GNAQ: variants seen among roughly 807,000 people sequenced by gnomAD.
GNAQ encodes G protein subunit alpha q, also known as guanine nucleotide-binding protein G(q) subunit alpha.
In GNAQ, 8 loss-of-function variants were observed where a neutral mutation model predicts 43.9. The ratio of observed to expected loss-of-function variants is 0.18; its 90% confidence interval spans 0.11 to 0.33. The LOEUF (loss-of-function observed/expected upper bound fraction) is 0.33, where lower values mean the gene tolerates loss of function less well. Among genes scored for constraint, GNAQ ranks in the 10% least tolerant of loss-of-function variants. GNAQ has a pLI of 1.00. For synonymous variants in GNAQ, 155 were observed against 170.7 expected, an observed-to-expected ratio of 0.91 and a Z score of 0.71; for missense variants, 158 against 450.8, an observed-to-expected ratio of 0.35 and a Z score of 5.88.
chr9:77,989,184 C>T lies in GNAQ; in HGVS notation c.136+41916G>A, dbSNP rs17196487. Among the ~76,000 whole-genome samples the T allele has an allele frequency of 2.9e-3, 439 of 152,208 alleles. 9 individuals are homozygous for T. In the East Asian group the frequency reaches 0.068, roughly 24 times the overall value. On this transcript the variant is annotated intron_variant, in intron 1 of 6. Coordinates refer to ENST00000286548, the MANE Select transcript of GNAQ (RefSeq NM_002072.5). Reference sequence around the variant, plus strand: ...AACCAAATGTTTTATTTGACAGACACGTTTTATGATCTTTTCAAAAACCCA... The same window carrying T: ...AACCAAATGTTTTATTTGACAGACATGTTTTATGATCTTTTCAAAAACCCA...
chr9:78,029,480 A>G (rs1382995685), intron 1 of GNAQ, among the ~76,000 whole-genome samples: 1 of 152,124 alleles, frequency 6.6e-6, no homozygotes, highest in Non-Finnish European at 1.5e-5. Flanking sequence ...AAAAAAAAAA[A>G]ATCTTTACTT....
chr9:77,817,513 T>C (rs1374049943), intron 2 of GNAQ, among the ~76,000 whole-genome samples: 1 of 152,122 alleles, frequency 6.6e-6, no homozygotes, highest in Non-Finnish European at 1.5e-5. Flanking sequence ...ATAACACTGG[T>C]CATAACCTTT....
intron 2 of GNAQ, among the ~76,000 whole-genome samples, chr9:77,822,180 A>C (rs1827128693): frequency 6.6e-6 from 1 of 152,152 alleles, no homozygotes; most frequent in African/African-American, 2.4e-5. Flanking sequence ...AACTTGTTTG[A>C]CCATGGAAGC....
At chr9:77,801,595 GAGAA>G (rs1382788558) in intron 3 of GNAQ, among the ~76,000 whole-genome samples, 2 of 152,174 alleles carry the variant, frequency 1.3e-5, no homozygotes, top group Non-Finnish European at 2.9e-5. Context: ...GAATAATAGA[GAGAA>G]AGGCTCACTT....
intron 1 of GNAQ, among the ~76,000 whole-genome samples, chr9:77,974,704 C>T (rs1823277094): frequency 6.6e-6 from 1 of 152,154 alleles, no homozygotes; most frequent in Non-Finnish European, 1.5e-5. Flanking sequence ...TCTGCATGCC[C>T]CAAGGCCAGC....
chr9:77,827,945 A>G (rs921412515), intron 2 of GNAQ, among the ~76,000 whole-genome samples: 2 of 151,338 alleles, frequency 1.3e-5, no homozygotes, highest in Non-Finnish European at 2.9e-5. Context: ...CTGTAGTCCC[A>G]GCTACTTGGG....
intron 5 of GNAQ, among the ~76,000 whole-genome samples, chr9:77,758,524 T>C (rs1825938853): frequency 6.6e-6 from 1 of 152,210 alleles, no homozygotes; most frequent in South Asian, 2.1e-4. Flanking sequence ...TGCATGTATA[T>C]AGCAGAAAAT....
intron 1 of GNAQ, among the ~76,000 whole-genome samples, chr9:78,005,646 C>A (rs148161715): frequency 6.6e-6 from 1 of 152,304 alleles, no homozygotes; most frequent in East Asian, 1.9e-4. Context: ...CCAACACCAT[C>A]CCATGTGATC....
rs112983864 is a variant in GNAQ, at chr9:77,721,891, G to A, written c.890-378C>T. Among the ~76,000 whole-genome samples, 859 of 152,210 alleles carry A rather than the reference G, an allele frequency of 5.6e-3. 2 individuals are homozygous for A. The highest frequency in any genetic ancestry group is 0.02 in the African/African-American group (813 of 41,540). On this transcript the variant is annotated intron_variant, in intron 6 of 6. Coordinates refer to ENST00000286548, the MANE Select transcript of GNAQ (RefSeq NM_002072.5). The stretch of plus-strand genomic sequence containing the variant: ...TGCTTGTTTCAGCTATATAATAAGT[G>A]TGCACAAAGATACAGCTGCCTCGGG...
At chr9:78,017,787 T>C (rs957554246) in intron 1 of GNAQ, among the ~76,000 whole-genome samples, 2 of 152,200 alleles carry the variant, frequency 1.3e-5, no homozygotes, top group East Asian at 1.9e-4. Context: ...ATTTCATTTG[T>C]AGGTTTGGAG....
At chr9:77,956,817 A>C (rs1823046529) in intron 1 of GNAQ, among the ~76,000 whole-genome samples, 1 of 152,180 alleles carries the variant, frequency 6.6e-6, no homozygotes, top group Non-Finnish European at 1.5e-5. Flanking sequence ...CCAGGGACAC[A>C]CTGTCTCTTT....
At chr9:77,849,772 T>A (rs968703847) in intron 2 of GNAQ, among the ~76,000 whole-genome samples, 1 of 152,142 alleles carries the variant, frequency 6.6e-6, no homozygotes, top group African/African-American at 2.4e-5. Context: ...GCTCAAGCGA[T>A]CCTCTCACCT....
At chr9:77,762,122 TG>T (rs1242661904) in intron 5 of GNAQ, among the ~76,000 whole-genome samples, 1 of 89,198 alleles carries the variant, frequency 1.1e-5, no homozygotes. Flanking sequence ...GGGAGGGAGG[TG>T]GGGGGTCAGC....
intron 1 of GNAQ, among the ~76,000 whole-genome samples, chr9:77,953,461 A>G (rs1002071988): frequency 2.0e-5 from 3 of 152,204 alleles, no homozygotes; most frequent in Admixed American, 6.5e-5. Flanking sequence ...ACAAAATTAC[A>G]TGGAGGAGAG....
chr9:77,768,673 T>A (rs1161398742), intron 5 of GNAQ, among the ~76,000 whole-genome samples: 2 of 152,228 alleles, frequency 1.3e-5, no homozygotes, highest in Non-Finnish European at 2.9e-5. Context: ...CTTGGGACTT[T>A]TGTTTAAGAA....
chr9:77,780,908 T>C (rs1254238160), intron 5 of GNAQ, among the ~76,000 whole-genome samples: 1 of 151,906 alleles, frequency 6.6e-6, no homozygotes. Context: ...TGTGTCTTCC[T>C]TTGAGAAATG....
chr9:77,820,371 G>A (rs1419672132), intron 2 of GNAQ, among the ~76,000 whole-genome samples: 1 of 152,198 alleles, frequency 6.6e-6, no homozygotes, highest in Non-Finnish European at 1.5e-5. Context: ...CCTTTCAGGT[G>A]CATTATATGC....
At chr9:77,973,875 A>T (rs1187682941) in intron 1 of GNAQ, among the ~76,000 whole-genome samples, 1 of 152,014 alleles carries the variant, frequency 6.6e-6, no homozygotes, top group East Asian at 1.9e-4. Context: ...TTTCCAGGAA[A>T]TTTTTTTTAA....
chr9:78,004,851 G>T lies in GNAQ; in HGVS notation c.136+26249C>A, dbSNP rs188057817. On this transcript the variant is annotated intron_variant, in intron 1 of 6. Transcript: ENST00000286548. ...TAGGGGTGGGAGAGAAGAGAGGAAAGCAACAAATATCTGAGGAGGGGAAGG... is the reference window on the plus strand; with the variant it reads ...TAGGGGTGGGAGAGAAGAGAGGAAATCAACAAATATCTGAGGAGGGGAAGG... Among the ~76,000 whole-genome samples the T allele has an allele frequency of 2.6e-4, 40 of 152,036 alleles. No homozygotes were observed. In the East Asian group the frequency reaches 7.6e-3, roughly 29 times the overall value.
Sources: gnomAD v4.1 joint callset for allele counts (sites outside exome capture counted in the v4.1 genomes callset) on GRCh38, gnomAD v4.1.1 for gene constraint, MANE v1.5 for transcripts, NCBI Gene and HGNC (gene_info 2026-07-23, HGNC 2026-07-21) for gene names.